The following NELL1 variants were observed in gnomAD, a reference collection of about 807,000 sequenced individuals.
The protein encoded by NELL1 is protein kinase C-binding protein NELL1.
A neutral mutation model predicts 107.4 loss-of-function variants in NELL1; 76 were observed. The ratio of observed to expected loss-of-function variants is 0.71; its 90% CI spans 0.59 to 0.86. The LOEUF (loss-of-function observed/expected upper bound fraction) is 0.86. Among genes scored for constraint, NELL1 ranks in the 40% least tolerant of loss-of-function variants. The pLI is 0.00. For missense variants in NELL1, 1,024 were observed against 1,005.5 expected (o/e 1.02, Z -0.25); for synonymous variants, 353 against 341.2 (o/e 1.03, Z -0.38).
At chr11:20,788,637 G>T (rs951006471) in intron 3 of NELL1, among the ~76,000 whole-genome samples, 1 of 150,860 alleles carries the variant, frequency 6.6e-6, no homozygotes, top group East Asian at 2.0e-4. Flanking sequence ...TTCTGTGGGC[G>T]ATCTTTTCAT....
At chr11:21,097,972 A>C (rs1435207121) in intron 12 of NELL1, among the ~76,000 whole-genome samples, 1 of 147,304 alleles carries the variant, frequency 6.8e-6, no homozygotes. Context: ...CTCCCTCCCA[A>C]CTCCAAAAAA....
At chr11:21,481,737 T>C (rs1854497941) in intron 15 of NELL1, among the ~76,000 whole-genome samples, 1 of 152,156 alleles carries the variant, frequency 6.6e-6, no homozygotes, top group Non-Finnish European at 1.5e-5. Context: ...GACTGTAGGA[T>C]TGCCTGGCAA....
At chr11:20,807,184 T>C (rs1482765243) in intron 3 of NELL1, among the ~76,000 whole-genome samples, 1 of 152,166 alleles carries the variant, frequency 6.6e-6, no homozygotes, top group East Asian at 1.9e-4. Context: ...CCTATGCTTT[T>C]GTGAAGGCTT....
At chr11:21,247,338 A>G (rs1277843428) in intron 14 of NELL1, among the ~76,000 whole-genome samples, 1 of 152,194 alleles carries the variant, frequency 6.6e-6, no homozygotes, top group Non-Finnish European at 1.5e-5. Flanking sequence ...ACTGGTTTGC[A>G]ATAACACTTA....
chr11:21,570,357 G>C (rs1280166799), intron 17 of NELL1, among the ~76,000 whole-genome samples: 1 of 151,700 alleles, frequency 6.6e-6, no homozygotes, highest in African/African-American at 2.4e-5. Context: ...GTTGGGACAG[G>C]GATATAGTTA....
intron 14 of NELL1, among the ~76,000 whole-genome samples, chr11:21,367,446 A>G (rs1020093393): frequency 2.4e-5 from 2 of 84,256 alleles, no homozygotes; most frequent in Non-Finnish European, 5.8e-5. Context: ...ACGATATTAC[A>G]AAGGGCACTA....
At chr11:21,429,323 G>A (rs1852910638) in intron 15 of NELL1, among the ~76,000 whole-genome samples, 1 of 152,110 alleles carries the variant, frequency 6.6e-6, no homozygotes, top group South Asian at 2.1e-4. Context: ...CAAGTTGGGA[G>A]GAATGAAATA....
At chr11:21,078,061 A>AT (rs1338255021) in intron 12 of NELL1, among the ~76,000 whole-genome samples, 2 of 152,130 alleles carry the variant, frequency 1.3e-5, no homozygotes, top group Non-Finnish European at 2.9e-5. Context: ...CGTCCTTATG[A>AT]TTTTTTCAAA....
chr11:20,848,026 A>G (rs1474493612), intron 4 of NELL1, among the ~76,000 whole-genome samples: 1 of 152,218 alleles, frequency 6.6e-6, no homozygotes, highest in Non-Finnish European at 1.5e-5. Flanking sequence ...AGTGCACCTC[A>G]GTGTGCTCCA....
intron 4 of NELL1, among the ~76,000 whole-genome samples, chr11:20,880,160 T>C (rs1257053554): frequency 2.0e-5 from 3 of 152,240 alleles, no homozygotes; most frequent in Non-Finnish European, 4.4e-5. Context: ...CATTGAAATA[T>C]CAAACCCTTA....
At chr11:20,967,826 G>T (rs949747213) in intron 12 of NELL1, among the ~76,000 whole-genome samples, 1 of 152,134 alleles carries the variant, frequency 6.6e-6, no homozygotes, top group Non-Finnish European at 1.5e-5. Flanking sequence ...TAGCTCCCAT[G>T]CCTCTTAGAA....
In NELL1 at chr11:20,716,170, C is replaced by T. The variant is rs1463798008; in HGVS notation, c.184+38110C>T. 2.0e-5 allele frequency among the ~76,000 whole-genome samples: 3 copies of T among 152,292 alleles called. No individual in the cohort carries two copies. In the East Asian group the frequency reaches 5.8e-4, roughly 29 times the overall value. On this transcript the variant is annotated intron_variant, in intron 2 of 19. Transcript: ENST00000357134. ...TACAGTCTGTTAAAAAAATCGGGCA[C>T]AGAAACTGCCTGGCAGCATGGGCTA...
chr11:21,440,497 T>A (rs537401202), intron 15 of NELL1, among the ~76,000 whole-genome samples: 55 of 152,210 alleles, frequency 3.6e-4, no homozygotes, highest in Non-Finnish European at 2.4e-4. Context: ...GAAGTCAGGC[T>A]CTTGTCAATT....
At chr11:21,490,007 TTC>T (rs1230438120) in intron 15 of NELL1, among the ~76,000 whole-genome samples, 2 of 152,032 alleles carry the variant, frequency 1.3e-5, no homozygotes, top group African/African-American at 2.4e-5. Flanking sequence ...AAGTCAGATT[TTC>T]TCTGTCTGCT....
intron 2 of NELL1, among the ~76,000 whole-genome samples, chr11:20,684,206 A>C (rs1209133850): frequency 6.6e-6 from 1 of 151,960 alleles, no homozygotes; most frequent in Non-Finnish European, 1.5e-5. Flanking sequence ...CAGGAATTCA[A>C]GACCAGCCTG....
chr11:20,926,922 TAAATGTAAGTGC>T, intron 7 of NELL1: 1 of 163,958 alleles, frequency 6.1e-6, no homozygotes, highest in Admixed American at 6.2e-5. Context: ...TAGTGGGAGA[TAAATGTAAGTGC>T]CTCGGAGTTC....
At chr11:21,123,313 C>T (rs1855412263) in intron 13 of NELL1, among the ~76,000 whole-genome samples, 1 of 148,754 alleles carries the variant, frequency 6.7e-6, no homozygotes, top group Admixed American at 6.8e-5. Context: ...GTTTCTTTGT[C>T]AAGGAAGATG....
rs1365585909 is a variant in NELL1 at position 21,326,814 on chromosome 11, A to T, written c.1550-44039A>T. Among the ~76,000 whole-genome samples the T allele has an allele frequency of 2.0e-5, 3 of 151,988 alleles. No homozygotes were observed. In the East Asian group the frequency reaches 5.8e-4, roughly 29 times the overall value. On this transcript the variant is annotated intron_variant, in intron 14 of 19. Coordinates refer to ENST00000357134, the MANE Select transcript of NELL1 (RefSeq NM_006157.5). ...TTCTTTGTCTTCTGGCTTTGAAAAAAAATGCAGACTGAATATCTCTGTCTT... is the reference window on the plus strand; with the variant it reads ...TTCTTTGTCTTCTGGCTTTGAAAAATAATGCAGACTGAATATCTCTGTCTT...
chr11:20,673,267 T>C (rs2133844715), intron 1 of NELL1, among the ~76,000 whole-genome samples: 1 of 152,296 alleles, frequency 6.6e-6, no homozygotes, highest in East Asian at 1.9e-4. Flanking sequence ...TGGAAAATAC[T>C]GGCCAGCTTG....
Sources: allele counts gnomAD v4.1 joint callset (sites outside exome capture counted in the v4.1 genomes callset), GRCh38; gene constraint gnomAD v4.1.1; transcripts MANE v1.5; gene names NCBI Gene and HGNC (gene_info 2026-07-23, HGNC 2026-07-21).